The following LIMD1 variants were observed in gnomAD, a reference collection of about 807,000 sequenced individuals.
The protein encoded by LIMD1 is LIM domain-containing protein 1.
LIMD1 carries 23 observed loss-of-function variants against 58.4 expected under a neutral mutation model. That is an observed-to-expected ratio of 0.39 (90% CI 0.28 to 0.56). The LOEUF (loss-of-function observed/expected upper bound fraction) is 0.56. LIMD1 is among the 20% of genes least tolerant of loss of function. The pLI is 0.57. For synonymous variants in LIMD1, 334 were observed against 345.5 expected (o/e 0.97, Z 0.37); for missense variants, 838 against 855.5 (o/e 0.98, Z 0.25).
intron 1 of LIMD1, among the ~76,000 whole-genome samples, chr3:45,616,128 A>C (rs994261994): frequency 1.3e-5 from 2 of 152,048 alleles, no homozygotes; most frequent in African/African-American, 4.8e-5. Flanking sequence ...GTGTCACCCC[A>C]GTTTCTGCCT....
At chr3:45,621,718 A>G (rs1343704012) in intron 1 of LIMD1, among the ~76,000 whole-genome samples, 2 of 152,202 alleles carry the variant, frequency 1.3e-5, no homozygotes, top group Admixed American at 1.3e-4. Flanking sequence ...TTCTTAAACA[A>G]CAGCATTTAA....
chr3:45,634,115 T>A (rs1701762706), intron 1 of LIMD1, among the ~76,000 whole-genome samples: 1 of 152,218 alleles, frequency 6.6e-6, no homozygotes, highest in Non-Finnish European at 1.5e-5. Context: ...CAAACACTTT[T>A]TTGAGACGAC....
rs913626315 is a variant in LIMD1 at position 45,680,902 on chromosome 3, T to TGA, written c.*3847_*3848dup. 6.4e-6 allele frequency: 1 copy of TGA among 155,406 alleles called. No homozygotes were observed. The highest frequency in any genetic ancestry group is 2.4e-5 in the African/African-American group (1 of 41,212). The allele number at this position is 155,406 out of a possible 1,614,324, so 9.6% of individuals were successfully genotyped here. On this transcript the variant is annotated 3_prime_UTR_variant, in exon 8 of 8. Transcript: ENST00000273317. ...GCGCACGCCTGTAATCCCAGCTACCTGAGAGGTTGAGGCAGGAGAATCGCT... is the reference window on the plus strand; with the variant it reads ...GCGCACGCCTGTAATCCCAGCTACCTGAGAGAGGTTGAGGCAGGAGAATCGCT...
Position 45,685,116 on chromosome 3 carries a change from T to C in LIMD1, c.*8057T>C, listed in dbSNP as rs1697795666. ...CTTGGACTGTCTCCATTGGAAGGCC[T>C]CTGGCAGATTTTGTAAAAAGTTATA... On this transcript the variant is annotated 3_prime_UTR_variant, in exon 8 of 8. Transcript: ENST00000273317. The C allele has an allele frequency of 6.6e-6, 1 of 152,228 alleles. No homozygotes were observed. The highest frequency in any genetic ancestry group is 6.5e-5 in the Admixed American group (1 of 15,280). 9.4% of individuals were successfully genotyped at this position (152,228 alleles called of 1,614,324 possible).
chr3:45,640,530 C>T (rs560820540), intron 2 of LIMD1, among the ~76,000 whole-genome samples: 3 of 152,206 alleles, frequency 2.0e-5, no homozygotes, highest in South Asian at 4.2e-4. Flanking sequence ...CGGGTTCAAG[C>T]GATTCTCCTG....
At position 45,679,739 on chromosome 3, in the gene LIMD1, G is replaced by A. The variant is rs2125672541; in HGVS notation, c.*2680G>A. The A allele has an allele frequency of 6.6e-6, 1 of 152,126 alleles. No individual in the cohort carries two copies. The highest frequency in any genetic ancestry group is 1.5e-5 in the Non-Finnish European group (1 of 68,012). The allele number at this position is 152,126 out of a possible 1,614,324, so 9.4% of individuals were successfully genotyped here. On this transcript the variant is annotated 3_prime_UTR_variant, in exon 8 of 8. Coordinates refer to ENST00000273317, the MANE Select transcript of LIMD1 (RefSeq NM_014240.3). ...TTCTTTTCTCCTACCCCTATCTTGG[G>A]ACATTCAGAAACTGCCTGGGTGGTT... is the stretch of plus-strand genomic sequence containing the variant.
At chr3:45,673,801 A>G in intron 6 of LIMD1, 1 of 411,150 alleles carries the variant, frequency 2.4e-6, no homozygotes, top group Non-Finnish European at 4.5e-6. Flanking sequence ...CTGTAGTCCT[A>G]GCTGCTTGAG....
intron 1 of LIMD1, among the ~76,000 whole-genome samples, chr3:45,621,271 C>T (rs903028488): frequency 1.3e-5 from 2 of 152,018 alleles, no homozygotes; most frequent in Non-Finnish European, 2.9e-5. Flanking sequence ...TGCTCTGTTG[C>T]CAGACTGGAC....
At chr3:45,674,616 C>A (rs190532579) in intron 7 of LIMD1, 31 of 531,312 alleles carry the variant, frequency 5.8e-5, no homozygotes, top group African/African-American at 5.5e-4. Flanking sequence ...CTTTCTTCTG[C>A]ATATTCAGAA....
chr3:45,603,886 A>G (rs776097496), intron 1 of LIMD1, among the ~76,000 whole-genome samples: 7 of 152,160 alleles, frequency 4.6e-5, no homozygotes, highest in Non-Finnish European at 8.8e-5. Flanking sequence ...CGATGTACAC[A>G]TATCATAGAT....
At chr3:45,617,499 G>A (rs963837995) in intron 1 of LIMD1, among the ~76,000 whole-genome samples, 2 of 152,030 alleles carry the variant, frequency 1.3e-5, no homozygotes, top group Admixed American at 1.3e-4. Flanking sequence ...TTCCTCCCAC[G>A]CCAGGCTCAT....
At chr3:45,663,361 T>C (rs752210610) in intron 2 of LIMD1, among the ~76,000 whole-genome samples, 1 of 152,226 alleles carries the variant, frequency 6.6e-6, no homozygotes, top group Non-Finnish European at 1.5e-5. Context: ...TCAGATCTAT[T>C]GGCCCTTGAC....
chr3:45,636,662 G>A (rs1322623203), intron 2 of LIMD1, among the ~76,000 whole-genome samples: 2 of 152,180 alleles, frequency 1.3e-5, no homozygotes, highest in Non-Finnish European at 2.9e-5. Flanking sequence ...CCCAGTGTGA[G>A]GTGGAGGTGG....
chr3:45,648,194 G>A (rs1254260192), intron 2 of LIMD1, among the ~76,000 whole-genome samples: 2 of 152,040 alleles, frequency 1.3e-5, no homozygotes, highest in Non-Finnish European at 2.9e-5. Context: ...AATAAATGTT[G>A]GAATAAATAA....
rs373212925 is a variant in LIMD1 at position 45,678,098 on chromosome 3, G to A, written c.*1039G>A. On this transcript the variant is annotated 3_prime_UTR_variant, in exon 8 of 8. Coordinates refer to ENST00000273317, the MANE Select transcript of LIMD1 (RefSeq NM_014240.3). ...CAGGATAAGTTATTATATTCATTTC[G>A]TTGGTTTCTCTCCTGCCCAATTCTT... The A allele has an allele frequency of 1.8e-4, 27 of 152,586 alleles. No homozygotes were observed. The highest frequency in any genetic ancestry group is 5.3e-4 in the African/African-American group (22 of 41,412). 9.5% of individuals were successfully genotyped at this position (152,586 alleles called of 1,614,324 possible).
At chr3:45,600,103 C>T (rs1012815177) in intron 1 of LIMD1, among the ~76,000 whole-genome samples, 6 of 152,180 alleles carry the variant, frequency 3.9e-5, no homozygotes, top group African/African-American at 1.4e-4. Flanking sequence ...AAGATTTTGT[C>T]TACCCAACAC....
chr3:45,680,532 T>A lies in LIMD1; in HGVS notation c.*3473T>A, dbSNP rs1220225664. ...AGTTTCACCATGTTGCCCAGGATGGTCTGGAACTCCTGGGCTCAAGTGATC... is the reference window on the plus strand; with the variant it reads ...AGTTTCACCATGTTGCCCAGGATGGACTGGAACTCCTGGGCTCAAGTGATC... On this transcript the variant is annotated 3_prime_UTR_variant, in exon 8 of 8. Coordinates refer to ENST00000273317, the MANE Select transcript of LIMD1 (RefSeq NM_014240.3). 1.3e-5 allele frequency: 2 copies of A among 152,100 alleles called. No individual in the cohort carries two copies. The highest frequency in any genetic ancestry group is 2.9e-5 in the Non-Finnish European group (2 of 68,038). The allele number at this position is 152,100 out of a possible 1,614,324, so 9.4% of individuals were successfully genotyped here. A position where few individuals can be genotyped will look rare whatever the true frequency, so the allele number is the denominator to read the frequency against.
chr3:45,598,657 GAGAGAATCAAGGT>G (rs555093433), intron 1 of LIMD1, among the ~76,000 whole-genome samples: 81 of 152,316 alleles, frequency 5.3e-4, no homozygotes, highest in Middle Eastern at 6.8e-3. Flanking sequence ...AAGTACTAGG[GAGAGAATCAAGGT>G]AGAGAAAGGG....
In LIMD1 at chr3:45,596,149, T is replaced by G; in HGVS notation, c.1270T>G (p.Ser424Ala). The stretch of plus-strand genomic sequence containing the variant: ...ATCTGTGCTCCTGGACAGCCCCAGC[T>G]CCCCTAGGGTAAGGCTGCCCTGCCA... ...LGSVLLDSPS[S>A]PRVRLPCQPL... Residue 424 changes from serine (S) to alanine (A), a missense_variant, in exon 1 of 8, where the codon TCC becomes GCC. This residue lies in a region of LIMD1 where 659 missense variants were observed against 639.8 expected (regional missense o/e 1.03). Coordinates refer to ENST00000273317, the MANE Select transcript of LIMD1 (RefSeq NM_014240.3). The G allele has an allele frequency of 6.2e-7, 1 of 1,614,058 alleles. No individual in the cohort carries two copies. The highest frequency in any genetic ancestry group is 8.5e-7 in the Non-Finnish European group (1 of 1,180,004).
Sources: allele counts gnomAD v4.1 joint callset (sites outside exome capture counted in the v4.1 genomes callset), GRCh38; gene constraint gnomAD v4.1.1; regional missense constraint gnomAD v4.1.1; transcripts MANE v1.5; gene names NCBI Gene and HGNC (gene_info 2026-07-23, HGNC 2026-07-21).